Variants in RAD54B observed in about 807,000 individuals in gnomAD.
The protein encoded by RAD54B is DNA repair and recombination protein RAD54B.
Under a neutral mutation model 95.8 loss-of-function variants are expected in RAD54B, and 78 were observed. The ratio of observed to expected loss-of-function variants is 0.81; its 90% CI spans 0.68 to 0.98. The LOEUF is 0.98. Among genes scored for constraint, RAD54B ranks in the 50% least tolerant of loss-of-function variants. The probability of loss-of-function intolerance (pLI) is 0.00; values close to 1 mark genes in which losing one functional copy is unlikely to be tolerated. For missense variants in RAD54B, 957 were observed against 1,056.6 expected, an observed-to-expected ratio of 0.91 and a Z score of 1.31; for synonymous variants, 328 against 354.9, an observed-to-expected ratio of 0.92 and a Z score of 0.85.
intron 2 of RAD54B, among the ~76,000 whole-genome samples, chr8:94,459,875 T>A (rs999901140): frequency 1.0e-5 from 1 of 98,880 alleles, no homozygotes; most frequent in African/African-American, 4.0e-5. Context: ...AATAAAAAAT[T>A]AGGCCGGGCG....
At chr8:94,447,768 G>A (rs940261157) in intron 3 of RAD54B, among the ~76,000 whole-genome samples, 3 of 152,214 alleles carry the variant, frequency 2.0e-5, no homozygotes, top group African/African-American at 7.2e-5. Context: ...GAAAAAGCGT[G>A]TGGCCACAGT....
At chr8:94,463,437 G>T (rs1030152363) in intron 2 of RAD54B, among the ~76,000 whole-genome samples, 1 of 152,056 alleles carries the variant, frequency 6.6e-6, no homozygotes, top group Non-Finnish European at 1.5e-5. Context: ...TGTTGGTAGG[G>T]ATATGGAAAA....
intron 14 of RAD54B, among the ~76,000 whole-genome samples, chr8:94,376,166 C>A (rs547304757): frequency 2.2e-4 from 33 of 152,204 alleles, no homozygotes; most frequent in African/African-American, 7.2e-4. Flanking sequence ...AATGACCACA[C>A]ACTAGACCAT....
chr8:94,372,118 AC>A lies in RAD54B; in HGVS notation c.*51del. 1 of 1,523,766 alleles carries A rather than the reference AC, an allele frequency of 6.6e-7. No individual in the cohort carries two copies. Among genetic ancestry groups the A allele is most frequent in the East Asian group, 2.4e-5 (1 of 42,262 alleles). The allele number at this position is 1,523,766 out of a possible 1,614,324, so 94.4% of individuals were successfully genotyped here. A position where few individuals can be genotyped will look rare whatever the true frequency, so the allele number is the denominator to read the frequency against. ...TAATTTTCAAAAAGTACATTTAATT[AC>A]CATACTAATTTTCAAAAGAAGAGCA... is the stretch of plus-strand genomic sequence containing the variant. On this transcript the variant is annotated 3_prime_UTR_variant, in exon 15 of 15. Coordinates refer to ENST00000336148, the MANE Select transcript of RAD54B (RefSeq NM_012415.3).
At chr8:94,431,499 G>A (rs769760444) in intron 3 of RAD54B, 18 of 981,202 alleles carry the variant, frequency 1.8e-5, no homozygotes, top group Non-Finnish European at 1.9e-5. Flanking sequence ...ATCGAATAGC[G>A]GGATGGAAAT....
chr8:94,384,095 A>G (rs1810810492), intron 11 of RAD54B, among the ~76,000 whole-genome samples: 1 of 152,222 alleles, frequency 6.6e-6, no homozygotes, highest in Non-Finnish European at 1.5e-5. Flanking sequence ...ACAAACCTGC[A>G]CATTGTGCAC....
chr8:94,376,187 T>A (rs1407325030), intron 14 of RAD54B, among the ~76,000 whole-genome samples: 2 of 152,106 alleles, frequency 1.3e-5, no homozygotes, highest in Non-Finnish European at 2.9e-5. Context: ...ACCCCAAGTC[T>A]CTATAATTAC....
chr8:94,413,992 T>C (rs998823232), intron 3 of RAD54B, among the ~76,000 whole-genome samples: 3 of 151,826 alleles, frequency 2.0e-5, no homozygotes, highest in Non-Finnish European at 4.4e-5. Context: ...CCCACCACCA[T>C]GCTCAGCTGA....
chr8:94,431,702 C>A, intron 3 of RAD54B: 1 of 984,742 alleles, frequency 1.0e-6, no homozygotes, highest in Non-Finnish European at 1.2e-6. Flanking sequence ...AGCATAAAAA[C>A]CAATGTCATA....
At position 94,429,558 on chromosome 8, in the gene RAD54B, A is replaced by C. The variant is rs554684856; in HGVS notation, c.305-18243T>G. ...AACTGTAAAGTGAATTACATCTCATATATGTGCTTTCAATAATTTCAAAAA... is the reference window on the plus strand; with the variant it reads ...AACTGTAAAGTGAATTACATCTCATCTATGTGCTTTCAATAATTTCAAAAA... On this transcript the variant is annotated intron_variant, in intron 3 of 14. Transcript: ENST00000336148. 30 of 982,764 alleles carry C rather than the reference A, an allele frequency of 3.1e-5. No homozygotes were observed. The South Asian group carries it at 1.3e-3, about 43-fold the overall frequency. 60.9% of individuals were successfully genotyped at this position (982,764 alleles called of 1,614,324 possible).
At chr8:94,413,183 G>A (rs998807057) in intron 3 of RAD54B, among the ~76,000 whole-genome samples, 1 of 151,922 alleles carries the variant, frequency 6.6e-6, no homozygotes, top group Admixed American at 6.6e-5. Context: ...CAAAATCCCA[G>A]GACATTTTTA....
chr8:94,467,653 AC>A (rs1449167722), intron 1 of RAD54B, 98 bp from the exon 2 acceptor site: 1 of 1,224,900 alleles, frequency 8.2e-7, no homozygotes, highest in East Asian at 2.4e-5. Context: ...TGGAACAGAA[AC>A]CCCTCTTATG....
Position 94,400,197 on chromosome 8 carries a change from T to C in RAD54B, c.1170+41A>G, listed in dbSNP as rs770771069. 123 of 1,526,658 alleles carry C rather than the reference T, an allele frequency of 8.1e-5. 1 individual carries two copies. The highest frequency in any genetic ancestry group is 1.7e-4 in the Middle Eastern group (1 of 5,838). 94.6% of individuals were successfully genotyped at this position (1,526,658 alleles called of 1,614,324 possible). On this transcript the variant is annotated intron_variant, in intron 7 of 14. Transcript: ENST00000336148. ...TGAATTACTGATTTGAAAAACTAGA[T>C]TTTTTTTAAATGACTAAGGCTAAAC...
chr8:94,429,768 T>C, intron 3 of RAD54B: 3 of 984,934 alleles, frequency 3.0e-6, no homozygotes, highest in Non-Finnish European at 3.6e-6. Flanking sequence ...TTAAAGAAGT[T>C]AACTCTACCA....
chr8:94,432,139 T>C (rs1363245224), intron 3 of RAD54B: 1 of 1,529,494 alleles, frequency 6.5e-7, no homozygotes, highest in Admixed American at 2.2e-5. Context: ...ACTTAGAGAC[T>C]GTTATATTCA....
intron 3 of RAD54B, chr8:94,431,369 TG>T (rs1812088859): frequency 1.0e-6 from 1 of 984,538 alleles, no homozygotes; most frequent in African/African-American, 1.7e-5. Context: ...AGAGAGAGAA[TG>T]GGGGTAATTG....
At chr8:94,403,296 T>C (rs1811304023) in intron 6 of RAD54B, among the ~76,000 whole-genome samples, 1 of 152,214 alleles carries the variant, frequency 6.6e-6, no homozygotes, top group African/African-American at 2.4e-5. Flanking sequence ...ATCTTTAAGA[T>C]ACTACTATTC....
At position 94,378,349 on chromosome 8, in the gene RAD54B, C is replaced by T; in HGVS notation, c.2346G>A (p.Gln782=). ...GTIEEKIYQR[Q]ISKQGLCGAV... ...CCCCACAAAGACCTTGCTTACTGATCTGCCTTTGATAGATCTTTTCTTCTA... is the reference window on the plus strand; with the variant it reads ...CCCCACAAAGACCTTGCTTACTGATTTGCCTTTGATAGATCTTTTCTTCTA... The change falls in exon 14 of 15, where the codon CAG becomes CAA. Residue 782 remains glutamine (Q), a synonymous_variant. Transcript: ENST00000336148. 3 of 1,613,876 alleles carry T rather than the reference C, an allele frequency of 1.9e-6. No homozygotes were observed. Among genetic ancestry groups the T allele is most frequent in the Non-Finnish European group, 1.7e-6 (2 of 1,179,914 alleles).
At chr8:94,428,162 T>C in intron 3 of RAD54B, 1 of 836,592 alleles carries the variant, frequency 1.2e-6, no homozygotes. Context: ...TCTAAATTAC[T>C]AATATATTGG....
Sources: allele counts gnomAD v4.1 joint callset (sites outside exome capture counted in the v4.1 genomes callset), GRCh38; gene constraint gnomAD v4.1.1; transcripts MANE v1.5; gene names NCBI Gene and HGNC (gene_info 2026-07-23, HGNC 2026-07-21).